The following ROBO2 variants were observed in gnomAD, a reference collection of about 807,000 sequenced individuals.
The protein encoded by ROBO2 is roundabout homolog 2.
A neutral mutation model predicts 160.8 loss-of-function variants in ROBO2; 53 were observed. The observed-to-expected ratio is 0.33, with a 90% CI of 0.26 to 0.41. ROBO2 has a LOEUF of 0.41. Among genes scored for constraint, ROBO2 ranks in the 10% least tolerant of loss-of-function variants. The pLI is 1.00. For synonymous variants in ROBO2, 664 were observed against 611.7 expected, an observed-to-expected ratio of 1.09 and a Z score of -1.26; for missense variants, 1,577 against 1,722.4, an observed-to-expected ratio of 0.92 and a Z score of 1.49.
chr3:76,611,058 CTGATTGGTTCA>C (rs970133255), intron 2 of ROBO2, among the ~76,000 whole-genome samples: 1 of 152,052 alleles, frequency 6.6e-6, no homozygotes, highest in Non-Finnish European at 1.5e-5. Context: ...GGAGTGTGGG[CTGATTGGTTCA>C]TGGGTGGGCG....
chr3:76,043,289 G>C (rs541822419), intron 2 of ROBO2, among the ~76,000 whole-genome samples: 2 of 151,650 alleles, frequency 1.3e-5, no homozygotes, highest in Non-Finnish European at 2.9e-5. Flanking sequence ...CCCTGGAATA[G>C]TCTCTCCCTT....
At chr3:76,077,442 A>AG in intron 2 of ROBO2, among the ~76,000 whole-genome samples, 1 of 152,282 alleles carries the variant, frequency 6.6e-6, no homozygotes, top group African/African-American at 2.4e-5. Flanking sequence ...AGGCACCTGT[A>AG]GTCCCAGGTA....
At chr3:76,692,236 C>CT (rs1189854515) in intron 2 of ROBO2, among the ~76,000 whole-genome samples, 4 of 152,188 alleles carry the variant, frequency 2.6e-5, no homozygotes, top group African/African-American at 9.6e-5. Flanking sequence ...CTGCCACACT[C>CT]TGGCCATAGT....
chr3:76,940,005 G>T (rs1178582624), intron 2 of ROBO2, among the ~76,000 whole-genome samples: 6 of 77,618 alleles, frequency 7.7e-5, no homozygotes, highest in African/African-American at 4.6e-4. Context: ...TTTTTGAGAC[G>T]GAGTCTCGCT....
At chr3:77,022,439 T>C (rs2062696687) in intron 2 of ROBO2, among the ~76,000 whole-genome samples, 1 of 152,180 alleles carries the variant, frequency 6.6e-6, no homozygotes, top group Non-Finnish European at 1.5e-5. Flanking sequence ...TGTTGTAGTG[T>C]TCCGTTATAG....
chr3:76,653,512 T>C lies in ROBO2; in HGVS notation c.110-444502T>C, dbSNP rs570971102. ...CAAAGCCAAAGTAATGATTTACTATTTCAAAAATTATATTTCTTAAAGTGA... is the reference window on the plus strand; with the variant it reads ...CAAAGCCAAAGTAATGATTTACTATCTCAAAAATTATATTTCTTAAAGTGA... On this transcript the variant is annotated intron_variant, in intron 2 of 26. Transcript: ENST00000487694. Among the ~76,000 whole-genome samples the C allele has an allele frequency of 2.0e-5, 3 of 152,072 alleles. No individual in the cohort carries two copies. The South Asian group carries it at 6.2e-4, about 31-fold the overall frequency.
intron 2 of ROBO2, among the ~76,000 whole-genome samples, chr3:77,430,842 A>G (rs1157839272): frequency 6.6e-6 from 1 of 152,230 alleles, no homozygotes; most frequent in Non-Finnish European, 1.5e-5. Context: ...CCTTTGTTGT[A>G]CATTTCATAT....
intron 2 of ROBO2, among the ~76,000 whole-genome samples, chr3:77,029,094 GA>G (rs2063155470): frequency 6.6e-6 from 1 of 152,138 alleles, no homozygotes; most frequent in Non-Finnish European, 1.5e-5. Flanking sequence ...GTTTTAGACT[GA>G]AAGTAACAGA....
chr3:77,123,590 T>A (rs914860084), intron 2 of ROBO2, among the ~76,000 whole-genome samples: 6 of 151,970 alleles, frequency 3.9e-5, no homozygotes, highest in African/African-American at 1.2e-4. Context: ...TGCACACTAA[T>A]TTGAAAAATT....
At chr3:76,547,650 C>T (rs2083185218) in intron 2 of ROBO2, among the ~76,000 whole-genome samples, 1 of 152,026 alleles carries the variant, frequency 6.6e-6, no homozygotes, top group African/African-American at 2.4e-5. Context: ...AATAAAGTAG[C>T]TCATTATTTG....
chr3:77,378,981 C>G (rs968266269), intron 2 of ROBO2, among the ~76,000 whole-genome samples: 1 of 149,990 alleles, frequency 6.7e-6, no homozygotes, highest in Non-Finnish European at 1.5e-5. Flanking sequence ...GAGTTTCGCT[C>G]TTGTTGCCCA....
chr3:76,743,077 G>A (rs1353603669), intron 2 of ROBO2, among the ~76,000 whole-genome samples: 1 of 152,046 alleles, frequency 6.6e-6, no homozygotes, highest in Non-Finnish European at 1.5e-5. Flanking sequence ...AGCAATTGAG[G>A]CACCATATCG....
chr3:77,258,696 C>G (rs574031267), intron 2 of ROBO2, among the ~76,000 whole-genome samples: 27 of 151,938 alleles, frequency 1.8e-4, no homozygotes, highest in African/African-American at 6.0e-4. Flanking sequence ...TTTTGCTGAT[C>G]CTCTTCTTTT....
intron 2 of ROBO2, among the ~76,000 whole-genome samples, chr3:76,267,275 T>G (rs1559699959): frequency 6.6e-6 from 1 of 152,202 alleles, no homozygotes; most frequent in Non-Finnish European, 1.5e-5. Context: ...AGATTTATTT[T>G]TTTAAGATAA....
At chr3:77,062,801 T>A (rs1467703188) in intron 1 of ROBO2, among the ~76,000 whole-genome samples, 1 of 152,110 alleles carries the variant, frequency 6.6e-6, no homozygotes, top group South Asian at 2.1e-4. Context: ...TTTGATTGAT[T>A]TGAGTGGAAA....
chr3:76,811,127 T>A (rs2065128598), intron 2 of ROBO2, among the ~76,000 whole-genome samples: 1 of 152,162 alleles, frequency 6.6e-6, no homozygotes, highest in African/African-American at 2.4e-5. Flanking sequence ...TCTATAATAT[T>A]CAAAGTTTGG....
chr3:77,091,776 C>T (rs1020035144), intron 1 of ROBO2, among the ~76,000 whole-genome samples: 2 of 151,794 alleles, frequency 1.3e-5, no homozygotes, highest in Non-Finnish European at 2.9e-5. Context: ...GCCAGGGGTT[C>T]GAGACCATCC....
intron 2 of ROBO2, among the ~76,000 whole-genome samples, chr3:76,203,742 C>G (rs1165806223): frequency 7.2e-6 from 1 of 139,640 alleles, no homozygotes; most frequent in Non-Finnish European, 1.6e-5. Flanking sequence ...AATTTCTTCT[C>G]CTTTCTCACC....
chr3:76,853,380 T>A (rs1445758429), intron 2 of ROBO2, among the ~76,000 whole-genome samples: 1 of 152,114 alleles, frequency 6.6e-6, no homozygotes, highest in African/African-American at 2.4e-5. Context: ...AGACTTGTTC[T>A]AAGTAATGAC....
Sources: allele counts gnomAD v4.1 joint callset (sites outside exome capture counted in the v4.1 genomes callset), GRCh38; gene constraint gnomAD v4.1.1; transcripts MANE v1.5; gene names NCBI Gene and HGNC (gene_info 2026-07-23, HGNC 2026-07-21).